The following SOX6 variants were observed in gnomAD, a reference collection of about 807,000 sequenced individuals.
SOX6 encodes the protein transcription factor SOX-6.
A neutral mutation model predicts 97.8 loss-of-function variants in SOX6; 11 were observed. That is an observed-to-expected ratio of 0.11 (90% CI 0.07 to 0.19). The LOEUF is 0.19. Ranked by LOEUF, SOX6 falls within the 10% of genes least tolerant of loss-of-function variation. The pLI, the probability that SOX6 is intolerant of heterozygous loss-of-function variation, is 1.00. For missense variants in SOX6, 810 were observed against 1,039.5 expected, an observed-to-expected ratio of 0.78 and a Z score of 3.04; for synonymous variants, 360 against 371.4, an observed-to-expected ratio of 0.97 and a Z score of 0.35.
chr11:16,507,046 G>A (rs777401131), intron 4 of SOX6, among the ~76,000 whole-genome samples: 10 of 151,970 alleles, frequency 6.6e-5, no homozygotes, highest in East Asian at 1.9e-4. Context: ...CCATGATAAC[G>A]GAGAGAAACT....
At chr11:16,527,604 T>G (rs1861185691) in intron 4 of SOX6, among the ~76,000 whole-genome samples, 1 of 152,176 alleles carries the variant, frequency 6.6e-6, no homozygotes, top group Non-Finnish European at 1.5e-5. Context: ...TCACCAGGCT[T>G]AGACATATAA....
At chr11:16,569,737 C>T (rs963429892) in intron 4 of SOX6, among the ~76,000 whole-genome samples, 4 of 151,478 alleles carry the variant, frequency 2.6e-5, no homozygotes, top group Admixed American at 6.6e-5. Context: ...GGCGTGGTGG[C>T]GGGCACCTGT....
At chr11:15,992,125 AAGG>A (rs1854072236) in intron 13 of SOX6, among the ~76,000 whole-genome samples, 1 of 152,174 alleles carries the variant, frequency 6.6e-6, no homozygotes, top group Admixed American at 6.5e-5. Flanking sequence ...ATGAATTAAG[AAGG>A]AGAAGAATAG....
intron 9 of SOX6, among the ~76,000 whole-genome samples, chr11:16,076,405 CA>C (rs34417959): frequency 0.18 from 16,160 of 91,456 alleles, 1,781 homozygotes; most frequent in East Asian, 0.43. Context: ...AATCAATAAG[CA>C]AAAAAAAAAA....
chr11:16,461,733 G>C (rs914973143), intron 1 of SOX6, among the ~76,000 whole-genome samples: 1 of 152,128 alleles, frequency 6.6e-6, no homozygotes, highest in African/African-American at 2.4e-5. Flanking sequence ...ACCTCCTAGA[G>C]TAGTATTTTT....
At chr11:16,681,436 A>C (rs1847926702) in intron 3 of SOX6, among the ~76,000 whole-genome samples, 1 of 152,202 alleles carries the variant, frequency 6.6e-6, no homozygotes, top group Admixed American at 6.5e-5. Context: ...AACATACCAG[A>C]ATCTCCGGGA....
intron 2 of SOX6, among the ~76,000 whole-genome samples, chr11:16,336,233 T>A (rs1856455489): frequency 6.6e-6 from 1 of 152,060 alleles, no homozygotes; most frequent in Non-Finnish European, 1.5e-5. Flanking sequence ...TACCCACATC[T>A]CCATGGCCTA....
At chr11:16,027,976 T>C (rs180990530) in intron 12 of SOX6, among the ~76,000 whole-genome samples, 1 of 152,370 alleles carries the variant, frequency 6.6e-6, no homozygotes, top group East Asian at 1.9e-4. Context: ...TTGGGAATAC[T>C]GCAAGCAGTT....
At chr11:16,609,690 T>C (rs1035121390) in intron 4 of SOX6, among the ~76,000 whole-genome samples, 1 of 152,166 alleles carries the variant, frequency 6.6e-6, no homozygotes, top group Non-Finnish European at 1.5e-5. Context: ...ATATACTCCA[T>C]GTTGGTTTCA....
At chr11:16,212,753 C>A (rs1003169067) in intron 4 of SOX6, among the ~76,000 whole-genome samples, 1 of 152,042 alleles carries the variant, frequency 6.6e-6, no homozygotes, top group Non-Finnish European at 1.5e-5. Context: ...TTTTCCAATC[C>A]GATGGATGCA....
intron 10 of SOX6, among the ~76,000 whole-genome samples, chr11:16,051,881 G>A (rs1451105099): frequency 6.7e-6 from 1 of 149,330 alleles, no homozygotes; most frequent in Non-Finnish European, 1.5e-5. Flanking sequence ...GTACTGACCA[G>A]TCTTTTTTCT....
intron 4 of SOX6, among the ~76,000 whole-genome samples, chr11:16,511,659 G>C (rs1860881486): frequency 2.6e-5 from 4 of 152,056 alleles, no homozygotes; most frequent in African/African-American, 9.7e-5. Flanking sequence ...TGGTGAATCA[G>C]AGCAAGGTGA....
chr11:16,139,821 CAT>C (rs927517294), intron 6 of SOX6, among the ~76,000 whole-genome samples: 1 of 151,440 alleles, frequency 6.6e-6, no homozygotes, highest in South Asian at 2.1e-4. Flanking sequence ...TAGATATGGA[CAT>C]ATATATATAA....
chr11:16,558,963 A>AT (rs1384988043), intron 4 of SOX6, among the ~76,000 whole-genome samples: 1 of 152,198 alleles, frequency 6.6e-6, no homozygotes, highest in East Asian at 1.9e-4. Context: ...CAATGCAGAA[A>AT]TTGTTTGAAG....
At chr11:16,523,216 G>A (rs995902420) in intron 4 of SOX6, among the ~76,000 whole-genome samples, 3 of 151,834 alleles carry the variant, frequency 2.0e-5, no homozygotes, top group African/African-American at 7.3e-5. Flanking sequence ...TTCCAAAATT[G>A]ACCACATACT....
chr11:16,033,787 G>A (rs1167471187), intron 12 of SOX6, among the ~76,000 whole-genome samples: 1 of 152,126 alleles, frequency 6.6e-6, no homozygotes, highest in Middle Eastern at 3.2e-3. Context: ...CAGGAGAATT[G>A]CTTGAACCTA....
intron 4 of SOX6, among the ~76,000 whole-genome samples, chr11:16,569,927 G>C (rs1847919779): frequency 6.7e-6 from 1 of 150,128 alleles, no homozygotes; most frequent in South Asian, 2.1e-4. Flanking sequence ...TTTTTAGTGG[G>C]GAAAAATTCT....
chr11:16,297,148 T>C (rs1855117927), intron 3 of SOX6, among the ~76,000 whole-genome samples: 1 of 152,098 alleles, frequency 6.6e-6, no homozygotes, highest in African/African-American at 2.4e-5. Context: ...AATTAACTAA[T>C]GTTACTTTCA....
At chr11:16,205,074 AT>A (rs1270811259) in intron 4 of SOX6, among the ~76,000 whole-genome samples, 1 of 152,104 alleles carries the variant, frequency 6.6e-6, no homozygotes, top group Non-Finnish European at 1.5e-5. Context: ...CAGCACTTTA[AT>A]TTTCCATGTC....
Sources: allele counts gnomAD v4.1 joint callset (sites outside exome capture counted in the v4.1 genomes callset), GRCh38; gene constraint gnomAD v4.1.1; transcripts MANE v1.5; gene names NCBI Gene and HGNC (gene_info 2026-07-23, HGNC 2026-07-21).